SOX7: variants seen among roughly 807,000 people sequenced by gnomAD.
The protein encoded by SOX7 is transcription factor SOX-7.
A neutral mutation model predicts 24.9 loss-of-function variants in SOX7; 19 were observed. The ratio of observed to expected loss-of-function variants is 0.76; its 90% confidence interval spans 0.53 to 1.12. SOX7 has a LOEUF of 1.12. SOX7 is among the 50% of genes most tolerant of loss of function. SOX7 has a pLI of 0.00. For synonymous variants in SOX7, 327 were observed against 244.5 expected (o/e 1.34, Z -3.15); for missense variants, 702 against 535.0 (o/e 1.31, Z -3.08).
intron 1 of SOX7, among the ~76,000 whole-genome samples, chr8:10,728,795 G>A (rs896454977): frequency 2.0e-5 from 3 of 152,178 alleles, no homozygotes; most frequent in African/African-American, 7.2e-5. Flanking sequence ...CCTGTTGGCA[G>A]GGTCAACAGG....
chr8:10,728,833 A>C (rs1800205761), intron 1 of SOX7, among the ~76,000 whole-genome samples: 1 of 152,226 alleles, frequency 6.6e-6, no homozygotes, highest in Non-Finnish European at 1.5e-5. Flanking sequence ...GTGGAAAAAA[A>C]AGTTTGGGGA....
rs766533156 is a variant in SOX7, at chr8:10,726,573, T to C, written c.332A>G (p.Asn111Ser). The C allele has an allele frequency of 5.0e-6, 8 of 1,611,518 alleles. No homozygotes were observed. Among genetic ancestry groups the C allele is most frequent in the Non-Finnish European group, 6.8e-6 (8 of 1,179,952 alleles). ...LRLQHMQDYPNYKYRPRRKKQ... is the reference protein window; with the variant it reads ...LRLQHMQDYPSYKYRPRRKKQ... ...CTTCCTGCGCGGCCGGTACTTGTAG[T>C]TGGGGTAGTCCTGCATGTGCTGCAG... Residue 111 changes from asparagine (N) to serine (S), a missense_variant, in exon 2 of 2, where the codon AAC (asparagine) becomes AGC (serine). Coordinates refer to ENST00000304501, the MANE Select transcript of SOX7 (RefSeq NM_031439.4).
intron 1 of SOX7, among the ~76,000 whole-genome samples, chr8:10,728,209 A>C (rs1438182966): frequency 2.0e-5 from 3 of 152,192 alleles, no homozygotes; most frequent in Non-Finnish European, 4.4e-5. Flanking sequence ...ATGTACCTGG[A>C]TGTTATATAA....
chr8:10,725,539 G>T lies in SOX7; in HGVS notation c.*199C>A. ...ATATACTTAAAATGTGGGCTGCAGGGGCTGGAACGTGGGGAAGGGGATAGA... is the reference window on the plus strand; with the variant it reads ...ATATACTTAAAATGTGGGCTGCAGGTGCTGGAACGTGGGGAAGGGGATAGA... On this transcript the variant is annotated 3_prime_UTR_variant, in exon 2 of 2. Transcript: ENST00000304501. 1.7e-6 allele frequency: 1 copy of T among 605,036 alleles called. No individual in the cohort carries two copies. The highest frequency in any genetic ancestry group is 2.0e-5 in the South Asian group (1 of 50,296). 37.5% of individuals were successfully genotyped at this position (605,036 alleles called of 1,614,324 possible). A position where few individuals can be genotyped will look rare whatever the true frequency, so the allele number is the denominator to read the frequency against.
intron 1 of SOX7, among the ~76,000 whole-genome samples, chr8:10,726,973 C>T (rs1433284735): frequency 2.0e-5 from 3 of 152,198 alleles, no homozygotes; most frequent in African/African-American, 7.2e-5. Flanking sequence ...AGTGAAAAGC[C>T]CACCTGACCA....
chr8:10,728,518 C>A (rs571401939), intron 1 of SOX7, among the ~76,000 whole-genome samples: 19 of 152,336 alleles, frequency 1.2e-4, no homozygotes, highest in African/African-American at 4.6e-4. Context: ...GTTTCCCTCA[C>A]CCAGTGCCAG....
At chr8:10,729,828 C>A (rs1563180659) in intron 1 of SOX7, among the ~76,000 whole-genome samples, 1 of 152,082 alleles carries the variant, frequency 6.6e-6, no homozygotes, top group Admixed American at 6.5e-5. Context: ...CCTGTTCCAC[C>A]CAGCCTCAAA....
chr8:10,726,869 T>C (rs1187051318), intron 1 of SOX7, among the ~76,000 whole-genome samples: 1 of 152,112 alleles, frequency 6.6e-6, no homozygotes, highest in Non-Finnish European at 1.5e-5. Context: ...TCTGCTTGCA[T>C]CCAGAAAGCC....
rs755709977 is a variant in SOX7 at position 10,726,142 on chromosome 8, G to A, written c.763C>T (p.His255Tyr). The A allele has an allele frequency of 1.3e-6, 2 of 1,589,976 alleles. No individual in the cohort carries two copies. The highest frequency in any genetic ancestry group is 1.2e-5 in the South Asian group (1 of 85,838). The change falls in exon 2 of 2, where the codon CAC becomes TAC. Residue 255 changes from histidine to tyrosine, a missense_variant. His to Tyr is a moderately conservative substitution (Grantham distance 83, BLOSUM62 2). Transcript: ENST00000304501. Reference protein sequence around the residue: ...EYAPSPLHCSHPLGSLALGQS... With the variant: ...EYAPSPLHCSYPLGSLALGQS... ...CCAAGGGCCAGGGAGCCCAGGGGGT[G>A]GCTACAGTGGAGAGGGCTTGGGGCG...
rs1394578563 is a variant in SOX7 at position 10,726,645 on chromosome 8, G to C, written c.260C>G (p.Thr87Arg). The C allele has an allele frequency of 6.3e-7, 1 of 1,582,070 alleles. No individual in the cohort carries two copies. Among genetic ancestry groups the C allele is most frequent in the Non-Finnish European group, 8.6e-7 (1 of 1,168,138 alleles). ...KMLGKSWKAL[T>R]LSQKRPYVDE... ...CACGTACGGCCTCTTCTGGGACAGC[G>C]TCAGCGCCTTCCACGACTTTCCTGC... The change falls in exon 2 of 2, where the codon ACG (threonine) becomes AGG (arginine). Residue 87 changes from threonine to arginine, a missense_variant. Coordinates refer to ENST00000304501, the MANE Select transcript of SOX7 (RefSeq NM_031439.4).
At position 10,726,772 on chromosome 8, in the gene SOX7, C is replaced by A. The variant is rs983591133; in HGVS notation, c.239-106G>T. The A allele has an allele frequency of 1.2e-5, 12 of 1,027,944 alleles. No individual in the cohort carries two copies. In the African/African-American group the frequency reaches 1.8e-4, roughly 15 times the overall value. 63.7% of individuals were successfully genotyped at this position (1,027,944 alleles called of 1,614,324 possible). On this transcript the variant is annotated intron_variant, in intron 1 of 1. Coordinates refer to ENST00000304501, the MANE Select transcript of SOX7 (RefSeq NM_031439.4). ...TGCACATGCACACACACCTCCCTTCCCCCTCCCAGCCACAGAGGACACGGG... is the reference window on the plus strand; with the variant it reads ...TGCACATGCACACACACCTCCCTTCACCCTCCCAGCCACAGAGGACACGGG...
At position 10,726,203 on chromosome 8, in the gene SOX7, G is replaced by A; in HGVS notation, c.702C>T (p.Ile234=). ...CQEEHGHPRR[I]PHLPGHPYSP... ...AGTACGGGTGCCCTGGCAGGTGGGG[G>A]ATGCGGCGGGGATGGCCATGCTCCT... The change falls in exon 2 of 2, where the codon ATC becomes ATT. Residue 234 remains isoleucine (I), a synonymous_variant. Transcript: ENST00000304501. The A allele has an allele frequency of 1.2e-6, 2 of 1,613,128 alleles. No homozygotes were observed. Among genetic ancestry groups the A allele is most frequent in the Non-Finnish European group, 8.5e-7 (1 of 1,179,552 alleles).
rs955007466 is a variant in SOX7, at chr8:10,725,926, T to C, written c.979A>G (p.Met327Val). 8.1e-6 allele frequency: 13 copies of C among 1,614,126 alleles called. No homozygotes were observed. The highest frequency in any genetic ancestry group is 9.3e-6 in the Non-Finnish European group (11 of 1,179,996). The change falls in exon 2 of 2, where the codon ATG (methionine) becomes GTG (valine). Residue 327 changes from methionine to valine, a missense_variant. By Grantham distance (21) the Met-to-Val change is conservative (BLOSUM62 1). Coordinates refer to ENST00000304501, the MANE Select transcript of SOX7 (RefSeq NM_031439.4). ...TACTGGTCGAATTCATTGCGATCCA[T>C]GTCCCCCAGGAGTTCCACCTGGCTC... is the stretch of plus-strand genomic sequence containing the variant. ...QLSQVELLGD[M>V]DRNEFDQYLN...
rs965492409 is a variant in SOX7 at position 10,725,182 on chromosome 8, G to A, written c.*556C>T. 4.5e-5 allele frequency: 7 copies of A among 154,386 alleles called. No individual in the cohort carries two copies. Among genetic ancestry groups the A allele is most frequent in the African/African-American group, 1.4e-4 (6 of 41,472 alleles). 9.6% of individuals were successfully genotyped at this position (154,386 alleles called of 1,614,324 possible). A position where few individuals can be genotyped will look rare whatever the true frequency, so the allele number is the denominator to read the frequency against. The stretch of plus-strand genomic sequence containing the variant: ...GTTAATTTCTCAAATCAGGTTGACT[G>A]TTTTTTCTCAAATTGTATGAGTCCC... On this transcript the variant is annotated 3_prime_UTR_variant, in exon 2 of 2. Coordinates refer to ENST00000304501, the MANE Select transcript of SOX7 (RefSeq NM_031439.4).
chr8:10,729,978 G>T (rs1187303129), intron 1 of SOX7, among the ~76,000 whole-genome samples: 2 of 151,998 alleles, frequency 1.3e-5, no homozygotes, highest in Non-Finnish European at 2.9e-5. Flanking sequence ...CCCGCCGCGC[G>T]GTTTCACTTT....
chr8:10,726,359 C>T lies in SOX7; in HGVS notation c.546G>A (p.Pro182=), dbSNP rs770815513. 6 of 1,612,862 alleles carry T rather than the reference C, an allele frequency of 3.7e-6. No individual in the cohort carries two copies. Among genetic ancestry groups the T allele is most frequent in the Non-Finnish European group, 5.1e-6 (6 of 1,179,612 alleles). The change falls in exon 2 of 2, where the codon CCG becomes CCA. Residue 182 remains proline (P), a synonymous_variant. Transcript: ENST00000304501. ...GGGTGCCGCCGCCGCCACCACCAGC[C>T]GGCCCCTCGTGGTAGCAGCCCCGGA... ...PSLRGCYHEG[P]AGGGGGGTPS...
intron 1 of SOX7, chr8:10,729,169 G>A (rs548188431): frequency 6.6e-6 from 1 of 152,302 alleles, no homozygotes; most frequent in Admixed American, 6.5e-5. Context: ...AAAGAGGGGC[G>A]TCAGTCCTAT....
At chr8:10,728,944 T>G (rs1302278914) in intron 1 of SOX7, among the ~76,000 whole-genome samples, 1 of 152,272 alleles carries the variant, frequency 6.6e-6, no homozygotes, top group Non-Finnish European at 1.5e-5. Context: ...AACACATTTG[T>G]CTTTATGCCA....
rs1800232322 is a variant in SOX7 at position 10,730,156 on chromosome 8, G to GCC, written c.238+38_238+39dup. On this transcript the variant is annotated intron_variant, in intron 1 of 1. Transcript: ENST00000304501. The surrounding 1 kb of genome is among the most constrained non-coding windows in gnomAD (Gnocchi z 4.8). ...CAGTGCCGCCAGCCGCCCGCCGCCCGCCCCCGGCCCCCAGCCCGCTCGGCC... is the reference window on the plus strand; with the variant it reads ...CAGTGCCGCCAGCCGCCCGCCGCCCGCCCCCCCGGCCCCCAGCCCGCTCGGCC... 1 of 620,018 alleles carries GCC rather than the reference G, an allele frequency of 1.6e-6. No individual in the cohort carries two copies. The highest frequency in any genetic ancestry group is 2.4e-6 in the Non-Finnish European group (1 of 415,872). 38.4% of individuals were successfully genotyped at this position (620,018 alleles called of 1,614,324 possible). A position where few individuals can be genotyped will look rare whatever the true frequency, so the allele number is the denominator to read the frequency against.
Sources: gnomAD v4.1 joint callset for allele counts (sites outside exome capture counted in the v4.1 genomes callset) on GRCh38, gnomAD v4.1.1 for gene constraint, Gnocchi (gnomAD v3.1) non-coding constraint, MANE v1.5 for transcripts, NCBI Gene and HGNC (gene_info 2026-07-23, HGNC 2026-07-21) for gene names.